Variants in SPOCK3 observed in about 807,000 individuals in gnomAD.
The protein encoded by SPOCK3 is SPARC (osteonectin), cwcv and kazal like domains proteoglycan 3.
A neutral mutation model predicts 56.6 loss-of-function variants in SPOCK3; 30 were observed. The observed-to-expected ratio is 0.53, with a 90% confidence interval of 0.40 to 0.72. SPOCK3 has a LOEUF of 0.72. Among genes scored for constraint, SPOCK3 ranks in the 30% least tolerant of loss-of-function variants. The pLI, the probability that SPOCK3 is intolerant of heterozygous loss-of-function variation, is 0.00. For synonymous variants in SPOCK3, 196 were observed against 183.3 expected (o/e 1.07, Z -0.56); for missense variants, 527 against 530.0 (o/e 0.99, Z 0.06).
chr4:167,222,602 CAT>C (rs201974926), intron 2 of SPOCK3, among the ~76,000 whole-genome samples: 4,355 of 133,376 alleles, frequency 0.033, 85 homozygotes, highest in Admixed American at 0.068. Flanking sequence ...AATATATACA[CAT>C]ATGTTATATA....
At chr4:166,736,091 A>G (rs1001941144) in intron 10 of SPOCK3, among the ~76,000 whole-genome samples, 3 of 152,042 alleles carry the variant, frequency 2.0e-5, no homozygotes, top group Non-Finnish European at 4.4e-5. Flanking sequence ...AACAAATCCT[A>G]TTGATGTAAT....
chr4:167,050,255 C>G (rs578233820), intron 3 of SPOCK3, among the ~76,000 whole-genome samples: 2 of 152,112 alleles, frequency 1.3e-5, no homozygotes, highest in Admixed American at 6.6e-5. Context: ...CTCAGTACTA[C>G]TAAAGAAAAT....
intron 2 of SPOCK3, among the ~76,000 whole-genome samples, chr4:167,197,725 T>C (rs1733097064): frequency 6.6e-6 from 1 of 152,164 alleles, no homozygotes; most frequent in Non-Finnish European, 1.5e-5. Flanking sequence ...ACTTCCACGC[T>C]CATCTGATGT....
At chr4:166,874,141 T>G (rs13111333) in intron 6 of SPOCK3, among the ~76,000 whole-genome samples, 104,009 of 151,820 alleles carry the variant, frequency 0.69, 36,538 homozygotes, top group South Asian at 0.79. Context: ...GTAGAGGTTG[T>G]ACAAGTTTGC....
intron 7 of SPOCK3, among the ~76,000 whole-genome samples, chr4:166,778,253 C>T (rs867797480): frequency 1.3e-5 from 2 of 152,116 alleles, no homozygotes; most frequent in Admixed American, 6.6e-5. Context: ...TTTACTTCTA[C>T]AATGTAGACA....
intron 4 of SPOCK3, among the ~76,000 whole-genome samples, chr4:166,971,010 T>C (rs1328125257): frequency 6.6e-6 from 1 of 152,192 alleles, no homozygotes; most frequent in Non-Finnish European, 1.5e-5. Context: ...TATAGGCGCA[T>C]ACCAGCATAC....
At chr4:166,799,185 G>A (rs1046571232) in intron 6 of SPOCK3, among the ~76,000 whole-genome samples, 10 of 152,146 alleles carry the variant, frequency 6.6e-5, no homozygotes, top group Non-Finnish European at 1.3e-4. Context: ...GGATGACCCA[G>A]CTCCTCTTCC....
At chr4:167,102,922 GAAAAAAAAAA>G (rs55740507) in intron 2 of SPOCK3, among the ~76,000 whole-genome samples, 2 of 62,516 alleles carry the variant, frequency 3.2e-5, no homozygotes, top group African/African-American at 6.1e-5. Flanking sequence ...ATAGCTTGCA[GAAAAAAAAAA>G]AAAAAAAAAA....
At chr4:166,955,834 A>T (rs1346974999) in intron 4 of SPOCK3, among the ~76,000 whole-genome samples, 6 of 151,788 alleles carry the variant, frequency 4.0e-5, no homozygotes, top group Non-Finnish European at 4.4e-5. Flanking sequence ...GACTCACATC[A>T]TGAGCTGAGG....
At chr4:167,107,138 C>T (rs928655497) in intron 2 of SPOCK3, among the ~76,000 whole-genome samples, 9 of 151,888 alleles carry the variant, frequency 5.9e-5, no homozygotes, top group African/African-American at 1.7e-4. Flanking sequence ...AGGAATACTT[C>T]CAAATTCATT....
At chr4:167,169,157 G>C (rs528183849) in intron 2 of SPOCK3, among the ~76,000 whole-genome samples, 1 of 152,218 alleles carries the variant, frequency 6.6e-6, no homozygotes, top group Non-Finnish European at 1.5e-5. Context: ...GGGCAGTGCA[G>C]AAGGGAAATG....
In SPOCK3 at chr4:166,968,788, G is replaced by A. The variant is rs572826374; in HGVS notation, c.350+31561C>T. On this transcript the variant is annotated intron_variant, in intron 4 of 10. Transcript: ENST00000357545. ...AGCTCCCACTGGGACAGTGCCTAGC[G>A]GACGTATGAGAACTGTGCCAATTCT... is the stretch of plus-strand genomic sequence containing the variant. 6.0e-4 allele frequency among the ~76,000 whole-genome samples: 91 copies of A among 152,292 alleles called. No homozygotes were observed. The South Asian group carries it at 0.014, about 24-fold the overall frequency.
intron 2 of SPOCK3, among the ~76,000 whole-genome samples, chr4:167,218,505 C>A (rs894920197): frequency 6.6e-5 from 10 of 152,126 alleles, no homozygotes; most frequent in Non-Finnish European, 1.2e-4. Flanking sequence ...TCAAAGCAAA[C>A]AAAGCAGTTC....
chr4:167,023,622 A>AT (rs1191548698), intron 3 of SPOCK3, among the ~76,000 whole-genome samples: 3 of 151,724 alleles, frequency 2.0e-5, no homozygotes, highest in Non-Finnish European at 4.4e-5. Flanking sequence ...TTGATGAGTT[A>AT]TTTTTCCCCC....
At chr4:166,932,310 G>A (rs991220924) in intron 4 of SPOCK3, among the ~76,000 whole-genome samples, 6 of 152,080 alleles carry the variant, frequency 3.9e-5, no homozygotes, top group Non-Finnish European at 5.9e-5. Context: ...CCTAAAGTGT[G>A]TACTCTTGGA....
intron 2 of SPOCK3, among the ~76,000 whole-genome samples, chr4:167,080,528 G>A (rs989032919): frequency 6.6e-6 from 1 of 151,960 alleles, no homozygotes; most frequent in Non-Finnish European, 1.5e-5. Flanking sequence ...AATCATTTAA[G>A]ATCATATTCC....
chr4:167,185,460 C>CT (rs926669871), intron 2 of SPOCK3, among the ~76,000 whole-genome samples: 37 of 152,146 alleles, frequency 2.4e-4, no homozygotes, highest in African/African-American at 7.5e-4. Context: ...TTAATCTTAA[C>CT]TTTTTTTTCT....
intron 6 of SPOCK3, among the ~76,000 whole-genome samples, chr4:166,866,882 C>G (rs1166998560): frequency 6.6e-6 from 1 of 151,962 alleles, no homozygotes; most frequent in Non-Finnish European, 1.5e-5. Context: ...CGTGTTATTT[C>G]TAGGTTGAAA....
At chr4:166,859,096 T>C (rs1253377233) in intron 6 of SPOCK3, among the ~76,000 whole-genome samples, 1 of 152,180 alleles carries the variant, frequency 6.6e-6, no homozygotes, top group Non-Finnish European at 1.5e-5. Flanking sequence ...TACAATTGTC[T>C]ACAGTATTCA....
Sources: allele counts gnomAD v4.1 joint callset (sites outside exome capture counted in the v4.1 genomes callset), GRCh38; gene constraint gnomAD v4.1.1; transcripts MANE v1.5; gene names NCBI Gene and HGNC (gene_info 2026-07-23, HGNC 2026-07-21).